THSD7B: variants seen among roughly 807,000 people sequenced by gnomAD.
The protein encoded by THSD7B is thrombospondin type 1 domain containing 7B, also known as thrombospondin type-1 domain-containing protein 7B.
Under a neutral mutation model 213.6 loss-of-function variants are expected in THSD7B, and 138 were observed. The ratio of observed to expected loss-of-function variants is 0.65; its 90% CI spans 0.56 to 0.74. The LOEUF is 0.74. THSD7B is among the 30% of genes least tolerant of loss of function. The pLI is 0.00. For missense variants in THSD7B, 1,931 were observed against 1,991.5 expected (o/e 0.97, Z 0.58); for synonymous variants, 742 against 687.0 (o/e 1.08, Z -1.25).
chr2:136,924,606 A>G (rs1369825795), intron 2 of THSD7B, among the ~76,000 whole-genome samples: 1 of 152,150 alleles, frequency 6.6e-6, no homozygotes, highest in Non-Finnish European at 1.5e-5. Flanking sequence ...TTTTGGAATC[A>G]GGAAGTATGA....
intron 15 of THSD7B, among the ~76,000 whole-genome samples, chr2:137,537,347 C>T (rs979770959): frequency 1.3e-5 from 2 of 151,802 alleles, no homozygotes; most frequent in East Asian, 3.9e-4. Flanking sequence ...TTTAATGTTT[C>T]TATACTTCTA....
intron 7 of THSD7B, among the ~76,000 whole-genome samples, chr2:137,176,335 G>A (rs1680356183): frequency 6.6e-6 from 1 of 152,152 alleles, no homozygotes; most frequent in African/African-American, 2.4e-5. Context: ...AAGGATAATA[G>A]TAATCAGATT....
chr2:137,122,635 A>C (rs1688564509), intron 5 of THSD7B, among the ~76,000 whole-genome samples: 1 of 152,154 alleles, frequency 6.6e-6, no homozygotes, highest in Non-Finnish European at 1.5e-5. Context: ...AGATCATGAT[A>C]TGGTAATACC....
At chr2:137,631,681 T>C (rs1274646576) in intron 20 of THSD7B, among the ~76,000 whole-genome samples, 1 of 152,208 alleles carries the variant, frequency 6.6e-6, no homozygotes, top group Non-Finnish European at 1.5e-5. Flanking sequence ...GGGCACAGTC[T>C]GTCACAATAA....
chr2:137,173,586 A>G (rs1361128375), intron 7 of THSD7B, among the ~76,000 whole-genome samples: 3 of 152,202 alleles, frequency 2.0e-5, no homozygotes, highest in African/African-American at 7.2e-5. Context: ...GGGAATTAAT[A>G]TTTGTTCATA....
chr2:137,513,098 G>A (rs541419534), intron 15 of THSD7B, among the ~76,000 whole-genome samples: 132 of 152,242 alleles, frequency 8.7e-4, no homozygotes, highest in African/African-American at 2.9e-3. Context: ...AAACTTTATC[G>A]CATTAAATAA....
intron 3 of THSD7B, among the ~76,000 whole-genome samples, chr2:137,085,556 TG>T (rs1317988187): frequency 1.3e-5 from 2 of 151,836 alleles, no homozygotes; most frequent in African/African-American, 4.8e-5. Flanking sequence ...AATAAAAAGT[TG>T]GAGACTAATT....
intron 1 of THSD7B, among the ~76,000 whole-genome samples, chr2:136,827,009 C>A (rs941130538): frequency 6.6e-6 from 1 of 152,208 alleles, no homozygotes; most frequent in East Asian, 1.9e-4. Flanking sequence ...TAAATAGAAA[C>A]CTAGGATTAG....
At chr2:137,074,306 T>A (rs1573805295) in intron 3 of THSD7B, among the ~76,000 whole-genome samples, 1 of 152,320 alleles carries the variant, frequency 6.6e-6, no homozygotes, top group East Asian at 1.9e-4. Flanking sequence ...TAGTTAGCTC[T>A]TCTTGTTGAA....
At chr2:137,347,229 T>C (rs1454995395) in intron 12 of THSD7B, among the ~76,000 whole-genome samples, 1 of 151,570 alleles carries the variant, frequency 6.6e-6, no homozygotes, top group African/African-American at 2.4e-5. Context: ...GGAGCAGAAG[T>C]TGAGACAGAA....
intron 17 of THSD7B, among the ~76,000 whole-genome samples, chr2:137,595,753 G>C (rs1044978498): frequency 3.3e-5 from 5 of 151,626 alleles, no homozygotes; most frequent in African/African-American, 1.2e-4. Flanking sequence ...ATCAATAAAT[G>C]TATATACACA....
intron 5 of THSD7B, among the ~76,000 whole-genome samples, chr2:137,148,949 A>G (rs1679760776): frequency 6.6e-6 from 1 of 152,194 alleles, no homozygotes; most frequent in Admixed American, 6.5e-5. Flanking sequence ...AATGGGGAAA[A>G]TGTCATCAGG....
At chr2:137,062,310 A>G (rs1185332741) in intron 3 of THSD7B, among the ~76,000 whole-genome samples, 1 of 150,202 alleles carries the variant, frequency 6.7e-6, no homozygotes, top group Non-Finnish European at 1.5e-5. Flanking sequence ...ATTTTTTTCT[A>G]TTGATTTTTT....
At chr2:137,664,324 G>T (rs954241728) in intron 26 of THSD7B, among the ~76,000 whole-genome samples, 15 of 152,160 alleles carry the variant, frequency 9.9e-5, no homozygotes, top group Non-Finnish European at 2.1e-4. Context: ...AAGAGTATCA[G>T]TTTCAAAGTT....
Position 137,661,039 on chromosome 2 carries a change from C to T in THSD7B, c.4458+1293C>T, listed in dbSNP as rs1033553794. Among the ~76,000 whole-genome samples, 2 of 152,208 alleles carry T rather than the reference C, an allele frequency of 1.3e-5. 1 individual carries two copies. The highest frequency in any genetic ancestry group is 1.3e-4 in the Admixed American group (2 of 15,298). On this transcript the variant is annotated intron_variant, in intron 25 of 27. Coordinates refer to ENST00000409968, the MANE Select transcript of THSD7B (RefSeq NM_001316349.2). ...GGTTGATGAGGATTGGCATGAGTAG[C>T]TATGTGAAGCTAAGGTCTGTTCAGA...
intron 17 of THSD7B, among the ~76,000 whole-genome samples, chr2:137,586,004 A>G (rs181501107): frequency 2.7e-4 from 41 of 151,062 alleles, no homozygotes; most frequent in African/African-American, 8.3e-4. Context: ...GACTTGCTTT[A>G]TGAATCTGGG....
At chr2:137,089,388 G>A (rs1383892229) in intron 3 of THSD7B, among the ~76,000 whole-genome samples, 3 of 146,742 alleles carry the variant, frequency 2.0e-5, no homozygotes, top group Admixed American at 1.4e-4. Flanking sequence ...ATACTAGTGT[G>A]TATATGTATA....
At chr2:137,104,168 TAATAAC>T (rs1434401999) in intron 4 of THSD7B, among the ~76,000 whole-genome samples, 1 of 152,102 alleles carries the variant, frequency 6.6e-6, no homozygotes, top group African/African-American at 2.4e-5. Flanking sequence ...AGAACAGAAA[TAATAAC>T]AAACAGTCTC....
rs141000633 is a variant in THSD7B, at chr2:137,358,570, A to T, written c.2501-47043A>T. 2.3e-4 allele frequency among the ~76,000 whole-genome samples: 35 copies of T among 152,370 alleles called. No homozygotes were observed. The East Asian group carries it at 5.6e-3, about 24-fold the overall frequency. On this transcript the variant is annotated intron_variant, in intron 12 of 27. Transcript: ENST00000409968. ...TTATTGTTTTATGAAGGATAGCATC[A>T]AAGAAAGTGAAGGGAACTTATTCTG...
Sources: gnomAD v4.1 joint callset for allele counts (sites outside exome capture counted in the v4.1 genomes callset) on GRCh38, gnomAD v4.1.1 for gene constraint, MANE v1.5 for transcripts, NCBI Gene and HGNC (gene_info 2026-07-23, HGNC 2026-07-21) for gene names.